Variants in MASP1 observed in about 807,000 individuals in gnomAD.
MASP1 encodes the protein mannan-binding lectin serine protease 1.
MASP1 carries 59 observed loss-of-function variants against 77.1 expected under a neutral mutation model. The observed-to-expected ratio is 0.77, with a 90% CI of 0.62 to 0.95. The LOEUF (loss-of-function observed/expected upper bound fraction) is 0.95. Ranked by LOEUF, MASP1 falls within the 40% of genes least tolerant of loss-of-function variation. The pLI is 0.00. For synonymous variants in MASP1, 362 were observed against 354.5 expected (o/e 1.02, Z -0.24); for missense variants, 885 against 912.9 (o/e 0.97, Z 0.39).
At chr3:187,226,476 G>A (rs1712437224) in exon 12 of MASP1, 1 of 1,612,992 alleles carries the variant, frequency 6.2e-7, no homozygotes, top group South Asian at 1.1e-5. Context: ...TCCGGATCGA[G>A]TGACTGGTGG....
chr3:187,241,330 TC>T lies in MASP1; in HGVS notation c.1303+150del, dbSNP rs1579492658. On this transcript the variant is annotated intron_variant, in intron 10 of 10. Coordinates refer to ENST00000296280, the MANE Select transcript of MASP1 (RefSeq NM_139125.4). ...TTGAGAAGGTGTGAAGCAAGTCTTC[TC>T]TGACCTTTAACCTTTTGAAGACATC... 11 of 694,052 alleles carry T rather than the reference TC, an allele frequency of 1.6e-5. No individual in the cohort carries two copies. The East Asian group carries it at 2.8e-4, about 18-fold the overall frequency. The allele number at this position is 694,052 out of a possible 1,614,324, so 43.0% of individuals were successfully genotyped here. A position where few individuals can be genotyped will look rare whatever the true frequency, so the allele number is the denominator to read the frequency against.
chr3:187,226,419 T>C, exon 12 of MASP1: 1 of 1,609,310 alleles, frequency 6.2e-7, no homozygotes, highest in Non-Finnish European at 8.5e-7. Flanking sequence ...AGGATGATTT[T>C]GAAGTCAGAA....
intron 1 of MASP1, among the ~76,000 whole-genome samples, chr3:187,288,419 T>C (rs2108615783): frequency 6.6e-6 from 1 of 152,128 alleles, no homozygotes; most frequent in African/African-American, 2.4e-5. Flanking sequence ...TGGCCCTGGG[T>C]CAAAAGAGCT....
At chr3:187,282,283 G>A (rs1717480362) in intron 2 of MASP1, among the ~76,000 whole-genome samples, 1 of 152,038 alleles carries the variant, frequency 6.6e-6, no homozygotes, top group Non-Finnish European at 1.5e-5. Flanking sequence ...AGGATCACGA[G>A]GTCAGGAGGT....
At position 187,234,335 on chromosome 3, in the gene MASP1, G is replaced by A; in HGVS notation, c.*1349C>T. 7.8e-7 allele frequency: 1 copy of A among 1,287,248 alleles called. No individual in the cohort carries two copies. The highest frequency in any genetic ancestry group is 1.0e-6 in the Non-Finnish European group (1 of 988,698). 79.7% of individuals were successfully genotyped at this position (1,287,248 alleles called of 1,614,324 possible). On this transcript the variant is annotated 3_prime_UTR_variant, in exon 11 of 11. Transcript: ENST00000296280. ...AGATTTTCAGGAGAGAGAGCTCCAG[G>A]GAGAAGGAGAACAATCAGCCCTGTG...
intron 7 of MASP1, among the ~76,000 whole-genome samples, chr3:187,250,573 G>T (rs1714490703): frequency 6.6e-6 from 1 of 152,206 alleles, no homozygotes; most frequent in Non-Finnish European, 1.5e-5. Flanking sequence ...AACTATCTCT[G>T]AAGGGAAAAC....
At chr3:187,257,084 T>G (rs191120117) in intron 4 of MASP1, among the ~76,000 whole-genome samples, 6 of 152,206 alleles carry the variant, frequency 3.9e-5, no homozygotes, top group Non-Finnish European at 4.4e-5. Context: ...TCCAGGGCTG[T>G]TTACCCTGTG....
chr3:187,226,215 C>T (rs576379972), intron 12 of MASP1: 18 of 614,026 alleles, frequency 2.9e-5, no homozygotes, highest in African/African-American at 1.6e-4. Flanking sequence ...GACTTCAATG[C>T]CTTCTCATGG....
At chr3:187,251,146 G>T (rs981230611) in intron 7 of MASP1, among the ~76,000 whole-genome samples, 1 of 152,152 alleles carries the variant, frequency 6.6e-6, no homozygotes, top group South Asian at 2.1e-4. Flanking sequence ...ATTTAGTAGA[G>T]ATAGGGTTTT....
At chr3:187,261,094 G>A (rs1715538212) in intron 3 of MASP1, among the ~76,000 whole-genome samples, 1 of 152,156 alleles carries the variant, frequency 6.6e-6, no homozygotes, top group Admixed American at 6.5e-5. Context: ...GTCACAAAAA[G>A]CCAAGTTCAA....
chr3:187,290,769 A>AG (rs1229183371), intron 1 of MASP1, among the ~76,000 whole-genome samples: 1 of 85,020 alleles, frequency 1.2e-5, no homozygotes, highest in Non-Finnish European at 2.5e-5. Flanking sequence ...TCTGCAGAGC[A>AG]TTGTGTGTGT....
intron 14 of MASP1, among the ~76,000 whole-genome samples, chr3:187,221,816 A>T (rs1459633300): frequency 1.3e-5 from 2 of 152,188 alleles, no homozygotes; most frequent in South Asian, 2.1e-4. Context: ...ATACCCAGAA[A>T]ATATATATAT....
intron 10 of MASP1, among the ~76,000 whole-genome samples, chr3:187,241,263 G>C (rs1713612245): frequency 6.6e-6 from 1 of 152,174 alleles, no homozygotes; most frequent in Admixed American, 6.5e-5. Context: ...CGGGACAGGA[G>C]GGCTCTCAGA....
chr3:187,258,363 A>G (rs1293458975), intron 4 of MASP1, among the ~76,000 whole-genome samples: 1 of 152,178 alleles, frequency 6.6e-6, no homozygotes, highest in Non-Finnish European at 1.5e-5. Context: ...GGACGTTTAG[A>G]CCCTAACTGT....
At chr3:187,262,805 G>T in intron 2 of MASP1, 85 bp from the exon 3 acceptor site, 1 of 1,291,720 alleles carries the variant, frequency 7.7e-7, no homozygotes, top group Non-Finnish European at 1.1e-6. Flanking sequence ...AAAGGAAGGG[G>T]CCACCCAAGA....
chr3:187,251,570 G>C, intron 7 of MASP1, 64 bp downstream of exon 7: 1 of 1,300,632 alleles, frequency 7.7e-7, no homozygotes, highest in Non-Finnish European at 1.1e-6. Flanking sequence ...CTGCCCTGGG[G>C]AGGGGCAGGT....
Position 187,274,911 on chromosome 3 carries a change from A to G in MASP1, c.237+10914T>C, listed in dbSNP as rs375149647. On this transcript the variant is annotated intron_variant, in intron 2 of 10. Coordinates refer to ENST00000296280, the MANE Select transcript of MASP1 (RefSeq NM_139125.4). Reference sequence around the variant, plus strand: ...CCTGCCAAGAGCCTGGGAAGCGGGCATCCCGCAGGTGGGAAACCAGCAGTG... The same window carrying G: ...CCTGCCAAGAGCCTGGGAAGCGGGCGTCCCGCAGGTGGGAAACCAGCAGTG... Among the ~76,000 whole-genome samples, 153 of 140,600 alleles carry G rather than the reference A, an allele frequency of 1.1e-3. 1 individual carries two copies. Among genetic ancestry groups the G allele is most frequent in the African/African-American group, 3.6e-3 (137 of 38,020 alleles). 92.2% of individuals were successfully genotyped at this position (140,600 alleles called of 152,430 possible). A position where few individuals can be genotyped will look rare whatever the true frequency, so the allele number is the denominator to read the frequency against.
chr3:187,217,563 G>A (rs1711838147), exon 16 of MASP1: 1 of 152,174 alleles, frequency 6.6e-6, no homozygotes, highest in Non-Finnish European at 1.5e-5. Flanking sequence ...TTTTAAAGTT[G>A]AATGAGCTGC....
At position 187,278,057 on chromosome 3, in the gene MASP1, T is replaced by C. The variant is rs146483168; in HGVS notation, c.237+7768A>G. ...CTTCATTACCACTATAATAGTACTTTTGAGCTAATTAGAGATGTGTTGGAC... is the reference window on the plus strand; with the variant it reads ...CTTCATTACCACTATAATAGTACTTCTGAGCTAATTAGAGATGTGTTGGAC... On this transcript the variant is annotated intron_variant, in intron 2 of 10. Transcript: ENST00000296280. Among the ~76,000 whole-genome samples the C allele has an allele frequency of 3.8e-4, 58 of 152,344 alleles. No homozygotes were observed. In the Middle Eastern group the frequency reaches 0.01, roughly 27 times the overall value.
Sources: gnomAD v4.1 joint callset for allele counts (sites outside exome capture counted in the v4.1 genomes callset) on GRCh38, gnomAD v4.1.1 for gene constraint, MANE v1.5 for transcripts, NCBI Gene and HGNC (gene_info 2026-07-23, HGNC 2026-07-21) for gene names.